Variants in CSMD1 observed in about 807,000 individuals in gnomAD.
CSMD1 encodes CUB and Sushi multiple domains 1.
A neutral mutation model predicts 417.5 loss-of-function variants in CSMD1; 213 were observed. The ratio of observed to expected loss-of-function variants is 0.51; its 90% CI spans 0.46 to 0.57. The LOEUF is 0.57. CSMD1 is among the 20% of genes least tolerant of loss of function. CSMD1 has a pLI of 0.00. For missense variants in CSMD1, 6,923 were observed against 4,529.7 expected (o/e 1.53, Z -15.17); for synonymous variants, 2,862 against 1,736.8 (o/e 1.65, Z -16.11).
intron 1 of CSMD1, among the ~76,000 whole-genome samples, chr8:4,923,795 T>C (rs1806662932): frequency 1.3e-5 from 2 of 152,264 alleles, no homozygotes; most frequent in South Asian, 4.1e-4. Flanking sequence ...GTCCCAATGG[T>C]AGAAATATAA....
At chr8:3,555,888 T>G (rs1307099636) in intron 10 of CSMD1, among the ~76,000 whole-genome samples, 1 of 152,156 alleles carries the variant, frequency 6.6e-6, no homozygotes, top group Non-Finnish European at 1.5e-5. Context: ...TGTTTAGGGT[T>G]CCAGAAGTCA....
intron 1 of CSMD1, among the ~76,000 whole-genome samples, chr8:4,833,995 AT>A (rs1800307252): frequency 6.6e-6 from 1 of 152,156 alleles, no homozygotes; most frequent in Non-Finnish European, 1.5e-5. Flanking sequence ...ACAGGACCCC[AT>A]TTTTATAAAA....
intron 52 of CSMD1, among the ~76,000 whole-genome samples, chr8:3,001,210 G>A (rs1056173887): frequency 2.6e-5 from 4 of 151,912 alleles, no homozygotes; most frequent in Non-Finnish European, 1.5e-5. Context: ...TGTTCAGGCT[G>A]GTCTTCAACT....
In CSMD1 at chr8:3,260,914, T is replaced by A. The variant is rs990062099; in HGVS notation, c.4153+23230A>T. Among the ~76,000 whole-genome samples, 8 of 152,108 alleles carry A rather than the reference T, an allele frequency of 5.3e-5. 1 individual carries two copies. The highest frequency in any genetic ancestry group is 3.9e-4 in the Admixed American group (6 of 15,272). Reference sequence around the variant, plus strand: ...AGCCACGTATCTGACAACAGACTAGTGTCTTAAAAATATAAAGAATGCTCA... The same window carrying A: ...AGCCACGTATCTGACAACAGACTAGAGTCTTAAAAATATAAAGAATGCTCA... On this transcript the variant is annotated intron_variant, in intron 26 of 69. Transcript: ENST00000635120.
At chr8:3,726,117 C>A (rs368139038) in intron 6 of CSMD1, among the ~76,000 whole-genome samples, 1 of 152,052 alleles carries the variant, frequency 6.6e-6, no homozygotes, top group Non-Finnish European at 1.5e-5. Flanking sequence ...TAGTAAGGGA[C>A]CTGAGGTCCC....
chr8:4,090,525 C>G (rs1230658374), intron 3 of CSMD1, among the ~76,000 whole-genome samples: 1 of 152,142 alleles, frequency 6.6e-6, no homozygotes, highest in Non-Finnish European at 1.5e-5. Flanking sequence ...CTTTGTACAC[C>G]TCTTCATGTC....
intron 7 of CSMD1, among the ~76,000 whole-genome samples, chr8:3,646,845 T>C (rs1387262989): frequency 1.3e-5 from 2 of 152,140 alleles, no homozygotes; most frequent in African/African-American, 4.8e-5. Context: ...GCTGGCTGCT[T>C]GCCTCTCTGG....
chr8:4,312,169 T>C (rs1005303309), intron 3 of CSMD1, among the ~76,000 whole-genome samples: 1 of 151,916 alleles, frequency 6.6e-6, no homozygotes, highest in African/African-American at 2.4e-5. Context: ...TACGTGCATT[T>C]AGTCAGAAGA....
chr8:4,579,855 C>G (rs117762520), intron 2 of CSMD1, among the ~76,000 whole-genome samples: 1,748 of 152,148 alleles, frequency 0.011, 19 homozygotes, highest in Middle Eastern at 0.038. Flanking sequence ...TAAACATTTC[C>G]CAAGTGTAAA....
intron 3 of CSMD1, among the ~76,000 whole-genome samples, chr8:4,249,026 C>G (rs1041731220): frequency 6.6e-6 from 1 of 152,206 alleles, no homozygotes; most frequent in African/African-American, 2.4e-5. Context: ...TACAACAGTG[C>G]CTGGCATATG....
intron 3 of CSMD1, among the ~76,000 whole-genome samples, chr8:4,077,997 T>C: frequency 6.6e-6 from 1 of 152,026 alleles, no homozygotes; most frequent in East Asian, 1.9e-4. Flanking sequence ...CTTTCATCTC[T>C]CAGTTGGAAA....
At chr8:4,362,135 G>C (rs916727016) in intron 3 of CSMD1, among the ~76,000 whole-genome samples, 1 of 152,234 alleles carries the variant, frequency 6.6e-6, no homozygotes, top group African/African-American at 2.4e-5. Context: ...TATAAAAATA[G>C]AATTATGACA....
intron 7 of CSMD1, among the ~76,000 whole-genome samples, chr8:3,675,981 C>T (rs916869484): frequency 6.6e-6 from 1 of 152,150 alleles, no homozygotes; most frequent in Non-Finnish European, 1.5e-5. Context: ...TCTTCCCAGT[C>T]AGAGACTCTG....
chr8:4,727,057 C>A (rs1459148023), intron 1 of CSMD1, among the ~76,000 whole-genome samples: 12 of 152,064 alleles, frequency 7.9e-5, no homozygotes, highest in African/African-American at 2.9e-4. Context: ...AATGGAGAAA[C>A]TGAGATTGAT....
intron 1 of CSMD1, among the ~76,000 whole-genome samples, chr8:4,773,977 C>T (rs1796723774): frequency 6.6e-6 from 1 of 152,124 alleles, no homozygotes. Flanking sequence ...GGGTGGATCG[C>T]CTCAGGTCAG....
chr8:3,762,956 C>A (rs1418386902), intron 5 of CSMD1, among the ~76,000 whole-genome samples: 1 of 152,030 alleles, frequency 6.6e-6, no homozygotes, highest in African/African-American at 2.4e-5. Context: ...GCTCATCCCC[C>A]AACTCTCTTC....
chr8:3,391,949 C>A (rs1323830748), intron 17 of CSMD1, among the ~76,000 whole-genome samples: 6 of 152,016 alleles, frequency 3.9e-5, no homozygotes, highest in African/African-American at 1.4e-4. Context: ...TGATATAAAT[C>A]ATTCTTGGGT....
chr8:4,585,989 C>T (rs1799679528), intron 2 of CSMD1, among the ~76,000 whole-genome samples: 1 of 152,090 alleles, frequency 6.6e-6, no homozygotes, highest in Non-Finnish European at 1.5e-5. Context: ...TTAATTCAAA[C>T]TTTTAATGAC....
chr8:3,608,173 CAAAAAAAAAAA>C (rs5888975), intron 8 of CSMD1, among the ~76,000 whole-genome samples: 1 of 97,348 alleles, frequency 1.0e-5, no homozygotes, highest in African/African-American at 3.8e-5. Context: ...GAAGCCATCT[CAAAAAAAAAAA>C]AAAAAAAAGT....
Sources: gnomAD v4.1 joint callset for allele counts (sites outside exome capture counted in the v4.1 genomes callset) on GRCh38, gnomAD v4.1.1 for gene constraint, MANE v1.5 for transcripts, NCBI Gene and HGNC (gene_info 2026-07-23, HGNC 2026-07-21) for gene names.